RYR1: variants seen among roughly 807,000 people sequenced by gnomAD.
RYR1 encodes ryanodine receptor 1.
In RYR1, 342 loss-of-function variants were observed where a neutral mutation model predicts 583.5. The ratio of observed to expected loss-of-function variants is 0.59; its 90% CI spans 0.54 to 0.64. The LOEUF is 0.64. Ranked by LOEUF, RYR1 falls within the 30% of genes least tolerant of loss-of-function variation. The pLI is 0.00. For missense variants in RYR1, 6,032 were observed against 6,917.2 expected (o/e 0.87, Z 4.54); for synonymous variants, 2,791 against 2,822.5 (o/e 0.99, Z 0.35).
intron 47 of RYR1, 69 bp downstream of exon 47, chr19:38,501,059 GAGC>G (rs1970095049): frequency 7.4e-6 from 11 of 1,487,520 alleles, no homozygotes; most frequent in Non-Finnish European, 9.3e-6. Context: ...GGTCACGGTA[GAGC>G]AGCAGCAGCT....
Position 38,494,484 on chromosome 19 carries a change from G to A in RYR1, c.6407G>A (p.Arg2136His), listed in dbSNP as rs530885842. ...TACGACGGGCTGGGTGAGCTGCTGCGTGCCCTGCCGCGGGCGTACACCATC... is the reference window on the plus strand; with the variant it reads ...TACGACGGGCTGGGTGAGCTGCTGCATGCCCTGCCGCGGGCGTACACCATC... Reference protein sequence around the residue: ...RQYDGLGELLRALPRAYTISP... With the variant: ...RQYDGLGELLHALPRAYTISP... Residue 2136 changes from arginine to histidine, a missense_variant, in exon 39 of 106, where the codon CGT becomes CAT. Physicochemically the swap from Arg to His is conservative, Grantham distance 29. Transcript: ENST00000359596. 2.0e-5 allele frequency: 33 copies of A among 1,613,152 alleles called. No individual in the cohort carries two copies. The highest frequency in any genetic ancestry group is 2.7e-5 in the Non-Finnish European group (32 of 1,180,022).
At chr19:38,489,122 C>A in intron 34 of RYR1, 55 bp from the exon 35 acceptor site, 1 of 1,507,886 alleles carries the variant, frequency 6.6e-7, no homozygotes, top group East Asian at 2.3e-5. Context: ...GAGGCCAGGG[C>A]CTGATGATGG....
chr19:38,462,090 C>G (rs1278975346), intron 20 of RYR1, among the ~76,000 whole-genome samples: 1 of 152,058 alleles, frequency 6.6e-6, no homozygotes, highest in African/African-American at 2.4e-5. Context: ...TTTTTGCCTT[C>G]CCTCCAAGCA....
rs77439497 is a variant in RYR1, at chr19:38,462,886, C to G, written c.2578-537C>G. ...GTCCCAGATAATTCCTTAATACTCTCTCTTCTTTTTTTTTTTTTTTTTTTT... is the reference window on the plus strand; with the variant it reads ...GTCCCAGATAATTCCTTAATACTCTGTCTTCTTTTTTTTTTTTTTTTTTTT... On this transcript the variant is annotated intron_variant, in intron 20 of 105. Coordinates refer to ENST00000359596, the MANE Select transcript of RYR1 (RefSeq NM_000540.3). Among the ~76,000 whole-genome samples the G allele has an allele frequency of 9.3e-3, 889 of 95,086 alleles. 7 individuals are homozygous for G. Among genetic ancestry groups the G allele is most frequent in the African/African-American group, 0.035 (849 of 24,046 alleles). The allele number at this position is 95,086 out of a possible 152,430, so 62.4% of individuals were successfully genotyped here. A position where few individuals can be genotyped will look rare whatever the true frequency, so the allele number is the denominator to read the frequency against.
In RYR1 at chr19:38,543,764, C is replaced by T. The variant is rs1462969931; in HGVS notation, c.11908-7C>T. 6.2e-7 allele frequency: 1 copy of T among 1,612,556 alleles called. No homozygotes were observed. The highest frequency in any genetic ancestry group is 8.5e-7 in the Non-Finnish European group (1 of 1,180,006). ...CCTTCCCCCCCACACGGCACTCTGC[C>T]TCCCAGGGTCCCTGCACCGGGAACC... On this transcript the variant is annotated splice_polypyrimidine_tract_variant and splice_region_variant and intron_variant, in intron 86 of 105. Transcript: ENST00000359596. This position sits in a 1 kb window ranked among gnomAD's most constrained non-coding sequence, Gnocchi z 4.4.
At chr19:38,554,455 GAA>G (rs368763894) in intron 89 of RYR1, among the ~76,000 whole-genome samples, 1 of 138,850 alleles carries the variant, frequency 7.2e-6, no homozygotes, top group Non-Finnish European at 1.6e-5. Context: ...AGTCTCAAAA[GAA>G]AAAAAAAATA....
intron 53 of RYR1, 63 bp from the exon 54 acceptor site, chr19:38,505,743 G>C: frequency 6.2e-7 from 1 of 1,602,134 alleles, no homozygotes; most frequent in Non-Finnish European, 8.5e-7. Flanking sequence ...TCTCCTTTGG[G>C]GTCCTTCCTC....
Position 38,455,386 on chromosome 19 carries a change from C to T in RYR1, c.1576+16C>T, listed in dbSNP as rs1417098569. 1 of 1,613,984 alleles carries T rather than the reference C, an allele frequency of 6.2e-7. No homozygotes were observed. The highest frequency in any genetic ancestry group is 2.2e-5 in the East Asian group (1 of 44,884). On this transcript the variant is annotated intron_variant, in intron 14 of 105. Transcript: ENST00000359596. ...GAACTCCTAGGTAGGGGTCCCAGTC[C>T]TGACTCCCCTGAGAACACCCCAGAT...
chr19:38,469,633 T>C (rs1403004653), intron 27 of RYR1, 120 bp downstream of exon 27: 11 of 1,077,140 alleles, frequency 1.0e-5, no homozygotes, highest in Non-Finnish European at 1.5e-5. Flanking sequence ...TGGAAGCAAG[T>C]GTCAGAGTGA....
intron 73 of RYR1, 38 bp downstream of exon 73, chr19:38,527,822 G>C (rs1358015657): frequency 6.2e-7 from 1 of 1,612,076 alleles, no homozygotes; most frequent in Admixed American, 1.7e-5. Context: ...CTGGGTCTCT[G>C]GGCGGAGCCT....
intron 47 of RYR1, among the ~76,000 whole-genome samples, chr19:38,501,517 A>G (rs1309785677): frequency 1.3e-5 from 2 of 152,210 alleles, no homozygotes; most frequent in African/African-American, 2.4e-5. Flanking sequence ...TTTTGTTCGC[A>G]GTATTGGTTT....
chr19:38,457,417 G>C, intron 16 of RYR1, 80 bp from the exon 17 acceptor site: 1 of 1,605,604 alleles, frequency 6.2e-7, no homozygotes, highest in Non-Finnish European at 8.5e-7. Flanking sequence ...TTTCCTCCTG[G>C]CTTCCCTCCC....
At position 38,502,662 on chromosome 19, in the gene RYR1, T is replaced by C; in HGVS notation, c.7770T>C (p.Ser2590=). Residue 2590 remains serine (S), a synonymous_variant, in exon 48 of 106, where the codon TCT becomes TCC. Transcript: ENST00000359596. ...TGCTGCATACCGTGTACCGCCTGTC[T>C]CGGGGTCGTTCGCTCACCAAGGCGC... ...DSMLHTVYRL[S]RGRSLTKAQR... The C allele has an allele frequency of 1.2e-6, 2 of 1,611,256 alleles. No individual in the cohort carries two copies. The highest frequency in any genetic ancestry group is 1.7e-6 in the Non-Finnish European group (2 of 1,179,836).
chr19:38,569,649 G>A (rs1238047276), intron 93 of RYR1, among the ~76,000 whole-genome samples: 1 of 152,184 alleles, frequency 6.6e-6, no homozygotes. Context: ...GTGGCTTGGA[G>A]CTTGGACTCT....
chr19:38,488,077 G>C (rs181243471), intron 34 of RYR1, among the ~76,000 whole-genome samples: 1 of 152,100 alleles, frequency 6.6e-6, no homozygotes, highest in Admixed American at 6.5e-5. Flanking sequence ...TCAGCCTCCC[G>C]AAGTACTGTG....
intron 47 of RYR1, 41 bp downstream of exon 47, chr19:38,501,031 A>G (rs1376892205): frequency 6.2e-7 from 1 of 1,600,510 alleles, no homozygotes; most frequent in Non-Finnish European, 8.5e-7. Flanking sequence ...CCCCACTTCC[A>G]CAGAGGGACA....
In RYR1 at chr19:38,565,960, G is replaced by T. The variant is rs1973402790; in HGVS notation, c.13437+189G>T. On this transcript the variant is annotated intron_variant, in intron 91 of 105. Coordinates refer to ENST00000359596, the MANE Select transcript of RYR1 (RefSeq NM_000540.3). The surrounding 1 kb of genome is among the most constrained non-coding windows in gnomAD (Gnocchi z 4.7). ...GGGCGCCGGGCAAGAGAGACGCTCA[G>T]AGACAGAGGGATACTCAGACCCACA... Among the ~76,000 whole-genome samples, 1 of 152,078 alleles carries T rather than the reference G, an allele frequency of 6.6e-6. No homozygotes were observed. The highest frequency in any genetic ancestry group is 2.1e-4 in the South Asian group (1 of 4,818).
chr19:38,508,995 A>T (rs1269848113), intron 58 of RYR1, among the ~76,000 whole-genome samples: 1 of 152,024 alleles, frequency 6.6e-6, no homozygotes, highest in Non-Finnish European at 1.5e-5. Flanking sequence ...TGCCTCTTAC[A>T]GGCCACTAAG....
At position 38,519,332 on chromosome 19, in the gene RYR1, G is replaced by A. The variant is rs749203455; in HGVS notation, c.10137G>A (p.Leu3379=). The change falls in exon 67 of 106, where the codon CTG becomes CTA. Residue 3379 remains leucine (L), a synonymous_variant. Transcript: ENST00000359596. The part of the protein sequence containing the change: ...AGKVVSEEEQ[L]RLEAKAEAQE... ...AGGTGGTGTCCGAGGAGGAGCAGCT[G>A]CGCCTGGAGGCCAAGGCGGAGGCCC... The A allele has an allele frequency of 6.2e-7, 1 of 1,613,534 alleles. No individual in the cohort carries two copies. Among genetic ancestry groups the A allele is most frequent in the Non-Finnish European group, 8.5e-7 (1 of 1,179,732 alleles).
Sources: allele counts gnomAD v4.1 joint callset (sites outside exome capture counted in the v4.1 genomes callset), GRCh38; gene constraint gnomAD v4.1.1; non-coding constraint Gnocchi (gnomAD v3.1); transcripts MANE v1.5; gene names NCBI Gene and HGNC (gene_info 2026-07-23, HGNC 2026-07-21).